FAXDC2: variants seen among roughly 807,000 people sequenced by gnomAD.
FAXDC2 encodes the protein fatty acid hydroxylase domain containing 2, also known as fatty acid hydroxylase domain-containing protein 2.
FAXDC2 carries 41 observed loss-of-function variants against 40.9 expected under a neutral mutation model. That is an observed-to-expected ratio of 1.00 (90% CI 0.78 to 1.30). The LOEUF (loss-of-function observed/expected upper bound fraction) is 1.30. Among genes scored for constraint, FAXDC2 ranks in the 50% most tolerant of loss-of-function variants. The probability of loss-of-function intolerance (pLI) is 0.00; values close to 1 mark genes in which losing one functional copy is unlikely to be tolerated. For missense variants in FAXDC2, 390 were observed against 408.8 expected, an observed-to-expected ratio of 0.95 and a Z score of 0.40; for synonymous variants, 157 against 149.3, an observed-to-expected ratio of 1.05 and a Z score of -0.38.
intron 5 of FAXDC2, chr5:154,830,402 T>C (rs1760158976): frequency 1.1e-5 from 2 of 176,004 alleles, no homozygotes; most frequent in South Asian, 2.7e-4. Context: ...AGTGGAGTTA[T>C]CCATTGTTTT....
At chr5:154,848,265 T>A (rs1419158150) in intron 1 of FAXDC2, among the ~76,000 whole-genome samples, 6 of 152,224 alleles carry the variant, frequency 3.9e-5, no homozygotes, top group Non-Finnish European at 5.9e-5. Context: ...AGACCTCATG[T>A]TCATCTGGTC....
In FAXDC2 at chr5:154,823,519, A is replaced by G; in HGVS notation, c.440T>C (p.Val147Ala). Reference sequence around the variant, plus strand: ...TTTGAGGAAGGGATAGAGGAAGACCACCATGGGGAAAGATATCATGCACTG... The same window carrying G: ...TTTGAGGAAGGGATAGAGGAAGACCGCCATGGGGAAAGATATCATGCACTG... ...FNQCMISFPMVVFLYPFLKWW... is the reference protein window; with the variant it reads ...FNQCMISFPMAVFLYPFLKWW... Residue 147 changes from valine (V) to alanine (A), a missense_variant, in exon 6 of 9, where the codon GTG (valine) becomes GCG (alanine). Coordinates refer to ENST00000326080, the MANE Select transcript of FAXDC2 (RefSeq NM_032385.5). 6.2e-7 allele frequency: 1 copy of G among 1,614,214 alleles called. No individual in the cohort carries two copies. Among genetic ancestry groups the G allele is most frequent in the Non-Finnish European group, 8.5e-7 (1 of 1,180,006 alleles).
chr5:154,824,316 A>G (rs1355193648), intron 5 of FAXDC2: 4 of 598,488 alleles, frequency 6.7e-6, no homozygotes, highest in South Asian at 1.9e-5. Context: ...GCTCCAGGCA[A>G]CAGTCCTGTG....
At chr5:154,849,908 A>G (rs999566617) in intron 1 of FAXDC2, among the ~76,000 whole-genome samples, 4 of 152,226 alleles carry the variant, frequency 2.6e-5, no homozygotes, top group Non-Finnish European at 4.4e-5. Context: ...TAACGATTTC[A>G]CAACTGGAGC....
At position 154,820,519 on chromosome 5, in the gene FAXDC2, G is replaced by C. The variant is rs775280103; in HGVS notation, c.846-47C>G. The C allele has an allele frequency of 4.7e-6, 7 of 1,501,894 alleles. No individual in the cohort carries two copies. In the African/African-American group the frequency reaches 5.6e-5, roughly 12 times the overall value. The allele number at this position is 1,501,894 out of a possible 1,614,324, so 93.0% of individuals were successfully genotyped here. A position where few individuals can be genotyped will look rare whatever the true frequency, so the allele number is the denominator to read the frequency against. On this transcript the variant is annotated intron_variant, in intron 8 of 8. Coordinates refer to ENST00000326080, the MANE Select transcript of FAXDC2 (RefSeq NM_032385.5). ...TGCAGTGCCCATGCTGGAGGCTTCC[G>C]TGCAGATCCCATTTCATTTGTGCCA...
At chr5:154,847,847 C>CTT (rs140975103) in intron 1 of FAXDC2, among the ~76,000 whole-genome samples, 38 of 145,936 alleles carry the variant, frequency 2.6e-4, no homozygotes, top group Admixed American at 4.8e-4. Context: ...ATGAATGTTC[C>CTT]TTTTTTTTTT....
At chr5:154,847,965 G>T (rs865921514) in intron 1 of FAXDC2, among the ~76,000 whole-genome samples, 2 of 151,180 alleles carry the variant, frequency 1.3e-5, no homozygotes, top group Non-Finnish European at 2.9e-5. Flanking sequence ...TCAGCCTCCC[G>T]AGTAGCTGGG....
chr5:154,838,147 T>C lies in FAXDC2; in HGVS notation c.32A>G (p.Asn11Ser). 1 of 1,613,376 alleles carries C rather than the reference T, an allele frequency of 6.2e-7. No homozygotes were observed. The highest frequency in any genetic ancestry group is 8.5e-7 in the Non-Finnish European group (1 of 1,179,444). The change falls in exon 2 of 9, where the codon AAT becomes AGT. Residue 11 changes from asparagine (N) to serine (S), a missense_variant. Coordinates refer to ENST00000326080, the MANE Select transcript of FAXDC2 (RefSeq NM_032385.5). Reference sequence around the variant, plus strand: ...GGCATTTACCTGCTTTGACTTTTCATTGTGTAGCATATGTCCAGCTTCTCC... The same window carrying C: ...GGCATTTACCTGCTTTGACTTTTCACTGTGTAGCATATGTCCAGCTTCTCC... MKGEAGHMLH[N>S]EKSKQEGHIW...
Position 154,818,729 on chromosome 5 carries a change from G to C in FAXDC2, c.*1587C>G, listed in dbSNP as rs141979780. On this transcript the variant is annotated 3_prime_UTR_variant, in exon 9 of 9. Coordinates refer to ENST00000326080, the MANE Select transcript of FAXDC2 (RefSeq NM_032385.5). The stretch of plus-strand genomic sequence containing the variant: ...CCTCAAAATCTAAAGGCCTTAAAGG[G>C]GAAAAAAACCGTATCTGTTCTTTCT... 9.2e-5 allele frequency: 14 copies of C among 152,238 alleles called. No homozygotes were observed. Among genetic ancestry groups the C allele is most frequent in the African/African-American group, 2.9e-4 (12 of 41,548 alleles). The allele number at this position is 152,238 out of a possible 1,614,324, so 9.4% of individuals were successfully genotyped here.
In FAXDC2 at chr5:154,823,481, G is replaced by T. The variant is rs1362207226; in HGVS notation, c.478C>A (p.Pro160Thr). The T allele has an allele frequency of 3.7e-6, 6 of 1,614,016 alleles. No individual in the cohort carries two copies. Among genetic ancestry groups the T allele is most frequent in the Non-Finnish European group, 5.1e-6 (6 of 1,180,018 alleles). ...LYPFLKWWRD[P>T]CRRELPTFHW... is the part of the protein sequence containing the mutation. ...AAGGTGGGTAGCTCACGGCGGCAGG[G>T]GTCTCTCCACCATTTGAGGAAGGGA... Residue 160 changes from proline (P) to threonine (T), a missense_variant, in exon 6 of 9, where the codon CCC becomes ACC. Transcript: ENST00000326080.
intron 4 of FAXDC2, among the ~76,000 whole-genome samples, chr5:154,833,530 T>G (rs557237304): frequency 1.3e-4 from 19 of 150,692 alleles, no homozygotes; most frequent in African/African-American, 2.2e-4. Flanking sequence ...GTGTGTGTGT[T>G]TTTAGTGAAA....
At chr5:154,845,789 A>ATT (rs58726575) in intron 1 of FAXDC2, among the ~76,000 whole-genome samples, 18 of 134,586 alleles carry the variant, frequency 1.3e-4, no homozygotes, top group African/African-American at 4.0e-4. Flanking sequence ...TTGGACACCT[A>ATT]TTTTTTTTTT....
rs573569821 is a variant in FAXDC2 at position 154,834,068 on chromosome 5, ATAAT to A, written c.244+553_244+556del. ...TAATATAAATAAATGTATATTATAT[ATAAT>A]ATATATTAAATAAATTGTATATAAT... On this transcript the variant is annotated intron_variant, in intron 4 of 8. Coordinates refer to ENST00000326080, the MANE Select transcript of FAXDC2 (RefSeq NM_032385.5). Among the ~76,000 whole-genome samples, 478 of 148,528 alleles carry A rather than the reference ATAAT, an allele frequency of 3.2e-3. 2 individuals are homozygous for A. Among genetic ancestry groups the A allele is most frequent in the African/African-American group, 0.011 (466 of 40,954 alleles).
chr5:154,844,415 A>C (rs1760550701), intron 1 of FAXDC2, among the ~76,000 whole-genome samples: 1 of 152,002 alleles, frequency 6.6e-6, no homozygotes, highest in Non-Finnish European at 1.5e-5. Flanking sequence ...AAACAAGTAC[A>C]TATAGAGACT....
At chr5:154,840,099 C>T (rs1350148759) in intron 1 of FAXDC2, among the ~76,000 whole-genome samples, 1 of 152,132 alleles carries the variant, frequency 6.6e-6, no homozygotes, top group Non-Finnish European at 1.5e-5. Flanking sequence ...GGCTTAGGAC[C>T]CAGGTTCCAG....
chr5:154,825,668 A>AAAAAAAAAAAAAAAAAAAG (rs70981954), intron 5 of FAXDC2, among the ~76,000 whole-genome samples: 26 of 143,424 alleles, frequency 1.8e-4, no homozygotes, highest in African/African-American at 6.5e-4. Flanking sequence ...AAAAAAAAAA[A>AAAAAAAAAAAAAAAAAAAG]GCAGTAATAT....
At chr5:154,828,978 G>A (rs987447559) in intron 5 of FAXDC2, among the ~76,000 whole-genome samples, 12 of 149,882 alleles carry the variant, frequency 8.0e-5, no homozygotes, top group Admixed American at 1.3e-4. Context: ...GGAGTGCAGT[G>A]GTGCAATCTC....
At chr5:154,847,847 C>T (rs1316419065) in intron 1 of FAXDC2, among the ~76,000 whole-genome samples, 2 of 145,876 alleles carry the variant, frequency 1.4e-5, no homozygotes, top group Non-Finnish European at 3.0e-5. Context: ...ATGAATGTTC[C>T]TTTTTTTTTT....
Position 154,834,206 on chromosome 5 carries a change from T to C in FAXDC2, c.244+419A>G, listed in dbSNP as rs1413162744. On this transcript the variant is annotated intron_variant, in intron 4 of 8. Coordinates refer to ENST00000326080, the MANE Select transcript of FAXDC2 (RefSeq NM_032385.5). ...CTTCCATCTATTTACTTAGGCTTGT[T>C]TGGAGCCATTGAAGCTGTCAGTAAA... 2.0e-5 allele frequency among the ~76,000 whole-genome samples: 3 copies of C among 152,208 alleles called. No individual in the cohort carries two copies. The South Asian group carries it at 6.2e-4, about 32-fold the overall frequency.
Sources: allele counts gnomAD v4.1 joint callset (sites outside exome capture counted in the v4.1 genomes callset), GRCh38; gene constraint gnomAD v4.1.1; transcripts MANE v1.5; gene names NCBI Gene and HGNC (gene_info 2026-07-23, HGNC 2026-07-21).